The following U2SURP variants were observed in gnomAD, a reference collection of about 807,000 sequenced individuals.
The protein encoded by U2SURP is U2 snRNP associated SURP domain containing.
In U2SURP, 9 loss-of-function variants were observed where a neutral mutation model predicts 144.9. That is an observed-to-expected ratio of 0.06 (90% CI 0.04 to 0.11). The LOEUF (loss-of-function observed/expected upper bound fraction) is 0.11, where lower values mean the gene tolerates loss of function less well. Ranked by LOEUF, U2SURP falls within the 10% of genes least tolerant of loss-of-function variation. U2SURP has a pLI of 1.00. For missense variants in U2SURP, 724 were observed against 1,226.7 expected (o/e 0.59, Z 6.12); for synonymous variants, 408 against 396.8 (o/e 1.03, Z -0.33).
At chr3:143,033,201 G>A in intron 17 of U2SURP, 70 bp from the exon 18 acceptor site, 1 of 976,950 alleles carries the variant, frequency 1.0e-6, no homozygotes, top group Non-Finnish European at 1.6e-6. Context: ...CTAATTAGTA[G>A]CCATAATTAA....
Position 143,020,649 on chromosome 3 carries a change from G to A in U2SURP, c.689G>A (p.Arg230Gln), listed in dbSNP as rs778296872. Residue 230 changes from arginine (R) to glutamine (Q), a missense_variant, in exon 8 of 28, where the codon CGA (arginine) becomes CAA (glutamine). By Grantham distance (43) the Arg-to-Gln change is conservative. Around this residue, in one of 13 missense-constraint regions of U2SURP, gnomAD observed 115 missense variants for 258.1 expected, o/e 0.45. Transcript: ENST00000473835. The stretch of plus-strand genomic sequence containing the variant: ...CATAAAACAAAAGGCAGATTAAGTC[G>A]ATTTGAACCTCCTCAGTCAGATTCT... ...ERHKTKGRLS[R>Q]FEPPQSDSDG... 1.2e-6 allele frequency: 2 copies of A among 1,613,204 alleles called. No homozygotes were observed. Among genetic ancestry groups the A allele is most frequent in the Non-Finnish European group, 1.7e-6 (2 of 1,179,568 alleles).
At chr3:143,046,508 G>C (rs1934467468) in intron 24 of U2SURP, among the ~76,000 whole-genome samples, 1 of 111,860 alleles carries the variant, frequency 8.9e-6, no homozygotes, top group Non-Finnish European at 1.8e-5. Context: ...TGAGATTAGG[G>C]AGTGGTGATG....
At chr3:143,035,002 C>T in intron 19 of U2SURP, 27 bp downstream of exon 19, 1 of 1,187,110 alleles carries the variant, frequency 8.4e-7, no homozygotes, top group Non-Finnish European at 1.2e-6. Flanking sequence ...ACTATTTTTG[C>T]CCTAGTGTTT....
At chr3:143,046,297 A>ATTTTTTTTTTT (rs11400849) in intron 24 of U2SURP, among the ~76,000 whole-genome samples, 7 of 106,414 alleles carry the variant, frequency 6.6e-5, no homozygotes, top group Non-Finnish European at 1.2e-4. Flanking sequence ...TTTATTTTTT[A>ATTTTTTTTTTT]TTTTTTTTTA....
chr3:143,012,176 A>G lies in U2SURP; in HGVS notation c.91-46A>G, dbSNP rs763535026. The stretch of plus-strand genomic sequence containing the variant: ...TCCTAGTTTTCAGTGCTATATATGT[A>G]TATATGTGTGGTTTGTTTTTTTCTC... On this transcript the variant is annotated intron_variant, in intron 2 of 27. Transcript: ENST00000473835. 15 of 1,595,886 alleles carry G rather than the reference A, an allele frequency of 9.4e-6. No homozygotes were observed. In the South Asian group the frequency reaches 1.2e-4, roughly 13 times the overall value.
intron 3 of U2SURP, 34 bp downstream of exon 3, chr3:143,012,387 A>G (rs1391796164): frequency 6.4e-7 from 1 of 1,555,146 alleles, no homozygotes; most frequent in Non-Finnish European, 8.7e-7. Context: ...AAGATAAGAA[A>G]GGATAGTTAA....
chr3:143,003,628 C>A (rs1184999690), intron 1 of U2SURP, among the ~76,000 whole-genome samples: 2 of 149,888 alleles, frequency 1.3e-5, no homozygotes, highest in Non-Finnish European at 3.0e-5. Context: ...TCTAAGTCAT[C>A]AGCTGTCATA....
intron 21 of U2SURP, 136 bp downstream of exon 21, chr3:143,037,471 A>T: frequency 1.1e-6 from 1 of 870,188 alleles, no homozygotes; most frequent in Non-Finnish European, 1.7e-6. Context: ...TCTATTTCTG[A>T]TTTTTTTCAA....
chr3:143,028,717 A>G lies in U2SURP; in HGVS notation c.1610+71A>G, dbSNP rs1254890187. 3 of 1,334,150 alleles carry G rather than the reference A, an allele frequency of 2.2e-6. No homozygotes were observed. In the Admixed American group the frequency reaches 7.9e-5, roughly 35 times the overall value. The allele number at this position is 1,334,150 out of a possible 1,614,324, so 82.6% of individuals were successfully genotyped here. The stretch of plus-strand genomic sequence containing the variant: ...AATGGTTGCTTTAATTAATGGTCTT[A>G]TTAAGATGTTAACCCTAAAATAAAT... On this transcript the variant is annotated intron_variant, in intron 16 of 27. Transcript: ENST00000473835.
At chr3:143,047,161 GC>G in intron 24 of U2SURP, among the ~76,000 whole-genome samples, 1 of 96,952 alleles carries the variant, frequency 1.0e-5, no homozygotes, top group Non-Finnish European at 2.0e-5. Context: ...GGGGCGGCTG[GC>G]CAGGCGGGGG....
At chr3:143,023,941 C>T in intron 12 of U2SURP, 34 bp from the exon 13 acceptor site, 1 of 1,602,166 alleles carries the variant, frequency 6.2e-7, no homozygotes. Flanking sequence ...CTCACATATT[C>T]TATGTTTATT....
intron 4 of U2SURP, among the ~76,000 whole-genome samples, chr3:143,015,133 C>T (rs77121936): frequency 0.012 from 1,836 of 152,136 alleles, 38 homozygotes; most frequent in African/African-American, 0.042. Context: ...CATAGCACTG[C>T]CAGTAGAGGA....
At position 143,019,964 on chromosome 3, in the gene U2SURP, T is replaced by C. The variant is rs771686183; in HGVS notation, c.571-5T>C. 4.0e-6 allele frequency: 6 copies of C among 1,498,316 alleles called. No homozygotes were observed. The South Asian group carries it at 5.2e-5, about 13-fold the overall frequency. 92.8% of individuals were successfully genotyped at this position (1,498,316 alleles called of 1,614,324 possible). ...TTGAAGTATAACTTGTCATATCCTTTATAGCCACTTAAAAAAGGAGAGAAA... is the reference window on the plus strand; with the variant it reads ...TTGAAGTATAACTTGTCATATCCTTCATAGCCACTTAAAAAAGGAGAGAAA... On this transcript the variant is annotated splice_region_variant and splice_polypyrimidine_tract_variant and intron_variant, in intron 6 of 27. Transcript: ENST00000473835.
chr3:143,037,057 C>G, intron 20 of U2SURP, 122 bp from the exon 21 acceptor site: 4 of 895,186 alleles, frequency 4.5e-6, no homozygotes, highest in Non-Finnish European at 6.7e-6. Flanking sequence ...TATGTTCTTA[C>G]ATTGTACCTC....
Position 143,012,257 on chromosome 3 carries a change from A to G in U2SURP, c.126A>G (p.Pro42=), listed in dbSNP as rs774781332. 2 of 1,613,188 alleles carry G rather than the reference A, an allele frequency of 1.2e-6. No homozygotes were observed. The highest frequency in any genetic ancestry group is 2.2e-5 in the South Asian group (2 of 91,018). The change falls in exon 3 of 28, where the codon CCA becomes CCG. Residue 42 remains proline, a synonymous_variant. Coordinates refer to ENST00000473835, the MANE Select transcript of U2SURP (RefSeq NM_001080415.2). ...DASGPSDSDM[P]SRTRPKSPRK... is the part of the protein sequence containing the mutation. ...CTGGACCCTCAGATAGTGATATGCC[A>G]AGTCGGACACGACCTAAGAGCCCAA...
rs1279695263 is a variant in U2SURP at position 143,050,993 on chromosome 3, C to A, written c.2599C>A (p.Pro867Thr). 5 of 1,613,066 alleles carry A rather than the reference C, an allele frequency of 3.1e-6. No individual in the cohort carries two copies. The Admixed American group carries it at 8.3e-5, about 27-fold the overall frequency. Residue 867 changes from proline to threonine, a missense_variant, in exon 25 of 28, where the codon CCA becomes ACA. Transcript: ENST00000473835. ...GGAATCTGGGAAAAGACCTAAAAAA[C>A]CAGGCCAGAGTTTTCAGGAGCAAGT... ...ELESGKRPKK[P>T]GQSFQEQVEH... is the part of the protein sequence containing the mutation.
At chr3:143,044,487 A>C (rs1376086103) in intron 24 of U2SURP, among the ~76,000 whole-genome samples, 1 of 151,336 alleles carries the variant, frequency 6.6e-6, no homozygotes, top group African/African-American at 2.4e-5. Flanking sequence ...AGGTCTCACT[A>C]TGTTGTCCAG....
At chr3:143,011,303 T>C (rs1199545635) in intron 2 of U2SURP, among the ~76,000 whole-genome samples, 1 of 152,184 alleles carries the variant, frequency 6.6e-6, no homozygotes, top group Non-Finnish European at 1.5e-5. Flanking sequence ...GATGGGCATA[T>C]ATTTTTTGTT....
intron 24 of U2SURP, among the ~76,000 whole-genome samples, chr3:143,046,186 G>A (rs944701225): frequency 4.7e-5 from 7 of 148,952 alleles, no homozygotes; most frequent in African/African-American, 1.5e-4. Flanking sequence ...CAAATGATTC[G>A]TGTTATAAAA....
Sources: allele counts gnomAD v4.1 joint callset (sites outside exome capture counted in the v4.1 genomes callset), GRCh38; gene constraint gnomAD v4.1.1; regional missense constraint gnomAD v4.1.1; transcripts MANE v1.5; gene names NCBI Gene and HGNC (gene_info 2026-07-23, HGNC 2026-07-21).